Variants in LINGO2 observed in about 807,000 individuals in gnomAD.
The protein encoded by LINGO2 is leucine-rich repeat and immunoglobulin-like domain-containing nogo receptor-interacting protein 2.
Under a neutral mutation model 30.6 loss-of-function variants are expected in LINGO2, and 14 were observed. The observed-to-expected ratio is 0.46, with a 90% CI of 0.30 to 0.72. LINGO2 has a LOEUF of 0.72. Among genes scored for constraint, LINGO2 ranks in the 30% least tolerant of loss-of-function variants. LINGO2 has a pLI of 0.07. For synonymous variants in LINGO2, 317 were observed against 288.5 expected, an observed-to-expected ratio of 1.10 and a Z score of -1.00; for missense variants, 729 against 751.7, an observed-to-expected ratio of 0.97 and a Z score of 0.35.
the LINGO2 span, among the ~76,000 whole-genome samples, chr9:28,994,701 C>CA: frequency 6.6e-6 from 1 of 151,958 alleles, no homozygotes; most frequent in African/African-American, 2.4e-5. Flanking sequence ...ACAGAGCCCT[C>CA]AGAAATAGCG....
chr9:27,966,958 C>A (rs1388692996), intron 5 of LINGO2, among the ~76,000 whole-genome samples: 3 of 152,088 alleles, frequency 2.0e-5, no homozygotes, highest in Non-Finnish European at 4.4e-5. Context: ...CTTGCAGATT[C>A]TTCAATTTTA....
chr9:28,652,329 G>A (rs906234293), intron 1 of LINGO2, among the ~76,000 whole-genome samples: 1 of 152,070 alleles, frequency 6.6e-6, no homozygotes, highest in South Asian at 2.1e-4. Context: ...CAACTACTAA[G>A]TTGGCACTTT....
At chr9:28,829,653 C>T in the LINGO2 span, among the ~76,000 whole-genome samples, 1 of 152,090 alleles carries the variant, frequency 6.6e-6, no homozygotes. Flanking sequence ...TTTGGGAGGC[C>T]GAGGTGGGCA....
intron 4 of LINGO2, among the ~76,000 whole-genome samples, chr9:28,278,854 G>A (rs1483841583): frequency 6.6e-6 from 1 of 152,156 alleles, no homozygotes; most frequent in African/African-American, 2.4e-5. Context: ...TCCATAGATA[G>A]TGATTCCTCT....
intron 4 of LINGO2, among the ~76,000 whole-genome samples, chr9:28,246,520 T>C (rs955849084): frequency 1.3e-5 from 2 of 152,144 alleles, no homozygotes; most frequent in Non-Finnish European, 2.9e-5. Flanking sequence ...CCCTATTTAA[T>C]AATAGGTGCT....
the LINGO2 span, among the ~76,000 whole-genome samples, chr9:28,769,496 ATATATATATATATATATATATATTTTTT>A: frequency 4.6e-5 from 1 of 21,702 alleles, no homozygotes. Flanking sequence ...ATATATATAT[ATATATATATATATATATATATATTTTTT>A]TTTTTTTTTT....
At chr9:28,569,311 A>G (rs1019427850) in intron 1 of LINGO2, among the ~76,000 whole-genome samples, 2 of 151,962 alleles carry the variant, frequency 1.3e-5, no homozygotes, top group African/African-American at 2.4e-5. Flanking sequence ...AAATGAAATC[A>G]GTATCTTGAA....
chr9:29,171,405 T>C, the LINGO2 span, among the ~76,000 whole-genome samples: 14 of 152,078 alleles, frequency 9.2e-5, no homozygotes, highest in African/African-American at 3.1e-4. Flanking sequence ...CTTAAACTTG[T>C]ATACAACAGA....
the LINGO2 span, among the ~76,000 whole-genome samples, chr9:29,133,577 A>G: frequency 4.6e-5 from 7 of 152,040 alleles, no homozygotes; most frequent in Admixed American, 1.3e-4. Context: ...TCCTTTCCTG[A>G]CCCCTAGTCC....
At chr9:28,816,266 C>T in the LINGO2 span, among the ~76,000 whole-genome samples, 2 of 152,188 alleles carry the variant, frequency 1.3e-5, no homozygotes, top group Non-Finnish European at 2.9e-5. Flanking sequence ...ATTTAAACCA[C>T]AGAAATAAGA....
At chr9:28,180,013 G>C (rs1240892644) in intron 4 of LINGO2, among the ~76,000 whole-genome samples, 8 of 152,052 alleles carry the variant, frequency 5.3e-5, no homozygotes, top group Non-Finnish European at 1.2e-4. Flanking sequence ...TCAAAAGTCT[G>C]TAATGACATT....
chr9:28,087,429 G>C (rs1189201945), intron 4 of LINGO2, among the ~76,000 whole-genome samples: 1 of 151,928 alleles, frequency 6.6e-6, no homozygotes, highest in Non-Finnish European at 1.5e-5. Context: ...TTTCCCTTAA[G>C]GGTAAAAACG....
intron 1 of LINGO2, among the ~76,000 whole-genome samples, chr9:28,623,148 T>C (rs978733997): frequency 3.3e-5 from 5 of 152,102 alleles, no homozygotes; most frequent in African/African-American, 1.2e-4. Context: ...GGCTGTCTCT[T>C]CACTTTGTTG....
chr9:28,465,813 A>C (rs762692372), intron 2 of LINGO2, among the ~76,000 whole-genome samples: 1 of 152,186 alleles, frequency 6.6e-6, no homozygotes, highest in Non-Finnish European at 1.5e-5. Context: ...CTGAGTAGAC[A>C]TTTCTTAAAA....
rs115520948 is a variant in LINGO2, at chr9:28,053,788, A to G, written c.-86-41383T>C. On this transcript the variant is annotated intron_variant, in intron 4 of 5. Transcript: ENST00000379992. Reference sequence around the variant, plus strand: ...GTAAATAGAGGCAGGAAAGAACCCAATGTATTTTCTATTCTCAGAAATGAT... The same window carrying G: ...GTAAATAGAGGCAGGAAAGAACCCAGTGTATTTTCTATTCTCAGAAATGAT... Among the ~76,000 whole-genome samples the G allele has an allele frequency of 4.6e-3, 697 of 152,220 alleles. 8 individuals are homozygous for G. The highest frequency in any genetic ancestry group is 0.016 in the African/African-American group (649 of 41,546).
intron 3 of LINGO2, among the ~76,000 whole-genome samples, chr9:28,339,221 A>T (rs889044608): frequency 1.3e-5 from 2 of 152,130 alleles, no homozygotes; most frequent in Non-Finnish European, 2.9e-5. Flanking sequence ...TTAATGGATT[A>T]TGTCTTTAAT....
the LINGO2 span, among the ~76,000 whole-genome samples, chr9:28,935,340 A>G: frequency 6.6e-6 from 1 of 152,096 alleles, no homozygotes; most frequent in Non-Finnish European, 1.5e-5. Context: ...ATCCAATGCT[A>G]AAAAGGGCTC....
At chr9:28,922,808 C>T in the LINGO2 span, among the ~76,000 whole-genome samples, 9 of 152,146 alleles carry the variant, frequency 5.9e-5, no homozygotes, top group Admixed American at 2.0e-4. Context: ...AACATATGCC[C>T]GTCTTAATAA....
chr9:28,759,711 T>A, the LINGO2 span, among the ~76,000 whole-genome samples: 3 of 151,184 alleles, frequency 2.0e-5, no homozygotes, highest in Non-Finnish European at 2.9e-5. Flanking sequence ...AAAGAAAATG[T>A]CCGTGGCTTA....
Sources: gnomAD v4.1 joint callset for allele counts (sites outside exome capture counted in the v4.1 genomes callset) on GRCh38, gnomAD v4.1.1 for gene constraint, MANE v1.5 for transcripts, NCBI Gene and HGNC (gene_info 2026-07-23, HGNC 2026-07-21) for gene names.